TRDN: variants seen among roughly 807,000 people sequenced by gnomAD.
TRDN encodes triadin in skeletal muscle.
TRDN carries 161 observed loss-of-function variants against 149.7 expected under a neutral mutation model. That is an observed-to-expected ratio of 1.08 (90% confidence interval 0.95 to 1.23). The LOEUF (loss-of-function observed/expected upper bound fraction) is 1.23, where lower values mean the gene tolerates loss of function less well. Among genes scored for constraint, TRDN ranks in the 50% most tolerant of loss-of-function variants. TRDN has a pLI of 0.00. For synonymous variants in TRDN, 294 were observed against 250.5 expected (o/e 1.17, Z -1.64); for missense variants, 896 against 823.5 (o/e 1.09, Z -1.08).
At chr6:123,429,284 T>C (rs1441399408) in intron 12 of TRDN, 1 of 152,210 alleles carries the variant, frequency 6.6e-6, no homozygotes, top group Non-Finnish European at 1.5e-5. Flanking sequence ...TGGATTATAA[T>C]GGTTACCTTA....
intron 4 of TRDN, among the ~76,000 whole-genome samples, chr6:123,540,243 G>C (rs1780759238): frequency 6.6e-6 from 1 of 152,270 alleles, no homozygotes; most frequent in East Asian, 1.9e-4. Context: ...GAGTGAACCA[G>C]ATGCTTTCGC....
At chr6:123,270,489 G>C (rs1436695882) in intron 30 of TRDN, among the ~76,000 whole-genome samples, 2 of 151,860 alleles carry the variant, frequency 1.3e-5, no homozygotes, top group Admixed American at 1.3e-4. Context: ...TGGCTGAGGT[G>C]GGTAGGATTT....
At chr6:123,402,078 G>C (rs1444212079) in intron 12 of TRDN, among the ~76,000 whole-genome samples, 1 of 152,154 alleles carries the variant, frequency 6.6e-6, no homozygotes, top group East Asian at 1.9e-4. Context: ...TGGAGCAGAA[G>C]AGTCTTGTTT....
At chr6:123,279,658 A>G (rs1025586804) in intron 24 of TRDN, among the ~76,000 whole-genome samples, 2 of 151,890 alleles carry the variant, frequency 1.3e-5, no homozygotes, top group African/African-American at 4.8e-5. Context: ...ACTGTAATCT[A>G]GTTTCTAGCT....
At chr6:123,495,228 A>G (rs1380979039) in intron 9 of TRDN, among the ~76,000 whole-genome samples, 2 of 151,698 alleles carry the variant, frequency 1.3e-5, no homozygotes, top group African/African-American at 4.8e-5. Context: ...TAATTTTTAT[A>G]ATTTTTTTTG....
intron 9 of TRDN, among the ~76,000 whole-genome samples, chr6:123,475,814 A>G (rs1426208836): frequency 3.3e-5 from 5 of 151,774 alleles, no homozygotes; most frequent in Non-Finnish European, 7.4e-5. Flanking sequence ...AAACCACATG[A>G]TTATCTCAAT....
rs1307730291 is a variant in TRDN, at chr6:123,331,924, T to C, written c.1426A>G (p.Ile476Val). 6.5e-6 allele frequency: 10 copies of C among 1,544,368 alleles called. No homozygotes were observed. The highest frequency in any genetic ancestry group is 2.4e-5 in the East Asian group (1 of 42,244). Residue 476 changes from isoleucine to valine, a missense_variant, in exon 23 of 41, where the codon ATT becomes GTT. Physicochemically the swap from Ile to Val is conservative, Grantham distance 29. Coordinates refer to ENST00000334268, the MANE Select transcript of TRDN (RefSeq NM_006073.4). Reference protein sequence around the residue: ...TSSILKDKEPIKGKEEKVPAS... With the variant: ...TSSILKDKEPVKGKEEKVPAS... ...GGAACTTTCTCTTCTTTCCCTTTAATAGGTTCTGAAAAGAAACATCGGACA... is the reference window on the plus strand; with the variant it reads ...GGAACTTTCTCTTCTTTCCCTTTAACAGGTTCTGAAAAGAAACATCGGACA...
intron 12 of TRDN, among the ~76,000 whole-genome samples, chr6:123,417,097 A>C (rs1468528513): frequency 2.0e-5 from 3 of 152,238 alleles, no homozygotes; most frequent in Non-Finnish European, 2.9e-5. Flanking sequence ...AAGGAGAATA[A>C]GAGAATCATT....
At chr6:123,631,828 C>A (rs1412844342) in intron 1 of TRDN, among the ~76,000 whole-genome samples, 1 of 151,856 alleles carries the variant, frequency 6.6e-6, no homozygotes, top group Non-Finnish European at 1.5e-5. Flanking sequence ...CCAATCCTAC[C>A]CCACCCACAC....
chr6:123,464,278 A>T (rs748003869), intron 10 of TRDN: 14 of 985,154 alleles, frequency 1.4e-5, no homozygotes, highest in Admixed American at 1.2e-4. Context: ...TTTATTACAA[A>T]GCTGATCTTG....
At chr6:123,390,049 G>T (rs762775471) in intron 13 of TRDN, among the ~76,000 whole-genome samples, 4 of 151,952 alleles carry the variant, frequency 2.6e-5, no homozygotes, top group African/African-American at 4.8e-5. Flanking sequence ...TGGATGGATG[G>T]GTATGGGGAA....
At chr6:123,394,770 A>T (rs1772651346) in intron 12 of TRDN, among the ~76,000 whole-genome samples, 1 of 152,154 alleles carries the variant, frequency 6.6e-6, no homozygotes, top group African/African-American at 2.4e-5. Context: ...CTTGATTCAT[A>T]AATAATTCTA....
At chr6:123,221,939 T>G (rs944451860) in intron 39 of TRDN, among the ~76,000 whole-genome samples, 14 of 151,712 alleles carry the variant, frequency 9.2e-5, no homozygotes, top group African/African-American at 3.4e-4. Flanking sequence ...GGACATATGT[T>G]TTTCGTGATC....
intron 10 of TRDN, among the ~76,000 whole-genome samples, chr6:123,446,599 A>C (rs1049987798): frequency 6.7e-6 from 1 of 149,878 alleles, no homozygotes; most frequent in African/African-American, 2.4e-5. Flanking sequence ...AAAAAAAAAA[A>C]AAAAAAAAAA....
intron 5 of TRDN, chr6:123,528,819 A>G (rs1780074105): frequency 1.0e-6 from 1 of 1,001,396 alleles, no homozygotes; most frequent in African/African-American, 1.7e-5. Context: ...TGTGGAAAAC[A>G]TAAGCTCTCT....
At chr6:123,344,998 T>C (rs2114268887) in intron 21 of TRDN, among the ~76,000 whole-genome samples, 1 of 152,168 alleles carries the variant, frequency 6.6e-6, no homozygotes, top group Non-Finnish European at 1.5e-5. Flanking sequence ...TCTAATGACA[T>C]GTTATGTTGA....
intron 24 of TRDN, among the ~76,000 whole-genome samples, chr6:123,301,821 A>G (rs994857316): frequency 2.1e-5 from 3 of 145,590 alleles, no homozygotes; most frequent in African/African-American, 7.5e-5. Flanking sequence ...TATTCAATAA[A>G]CCATTTTGTC....
At chr6:123,562,130 C>A (rs1782034908) in intron 2 of TRDN, among the ~76,000 whole-genome samples, 1 of 152,130 alleles carries the variant, frequency 6.6e-6, no homozygotes, top group Non-Finnish European at 1.5e-5. Context: ...AAAAGCTCCC[C>A]CACTGAGCAC....
At chr6:123,332,331 A>C (rs558928090) in intron 22 of TRDN, among the ~76,000 whole-genome samples, 1 of 152,168 alleles carries the variant, frequency 6.6e-6, no homozygotes, top group South Asian at 2.1e-4. Context: ...TAAACAACCA[A>C]ATAGAAAATC....
Sources: allele counts gnomAD v4.1 joint callset (sites outside exome capture counted in the v4.1 genomes callset), GRCh38; gene constraint gnomAD v4.1.1; transcripts MANE v1.5; gene names NCBI Gene and HGNC (gene_info 2026-07-23, HGNC 2026-07-21).